Variants in STIM1 observed in about 807,000 individuals in gnomAD.
STIM1 encodes the protein stromal interaction molecule 1.
A neutral mutation model predicts 74.7 loss-of-function variants in STIM1; 25 were observed. The observed-to-expected ratio is 0.33, with a 90% confidence interval of 0.24 to 0.47. The LOEUF (loss-of-function observed/expected upper bound fraction) is 0.47. Among genes scored for constraint, STIM1 ranks in the 20% least tolerant of loss-of-function variants. The probability of loss-of-function intolerance (pLI) is 1.00; values close to 1 mark genes in which losing one functional copy is unlikely to be tolerated. For synonymous variants in STIM1, 328 were observed against 348.8 expected, an observed-to-expected ratio of 0.94 and a Z score of 0.66; for missense variants, 728 against 920.8, an observed-to-expected ratio of 0.79 and a Z score of 2.71.
At chr11:4,048,827 G>A (rs1229737429) in intron 3 of STIM1, among the ~76,000 whole-genome samples, 1 of 151,866 alleles carries the variant, frequency 6.6e-6, no homozygotes, top group African/African-American at 2.4e-5. Flanking sequence ...TCCACCTCCC[G>A]AGTTCAAGCA....
Position 3,883,699 on chromosome 11 carries a change from T to C in STIM1, c.139+27290T>C, listed in dbSNP as rs151037470. On this transcript the variant is annotated intron_variant, in intron 1 of 12. Coordinates refer to ENST00000526596, the MANE Select transcript of STIM1 (RefSeq NM_001382567.1). ...CTGCTTCAAACCACTAAGTTATATT[T>C]TCTAGAGTCAGGGATTATATTTGAT... Among the ~76,000 whole-genome samples, 633 of 152,340 alleles carry C rather than the reference T, an allele frequency of 4.2e-3. 4 individuals carry two copies. The highest frequency in any genetic ancestry group is 0.015 in the African/African-American group (604 of 41,582).
chr11:4,038,631 T>G (rs1008935485), intron 3 of STIM1, among the ~76,000 whole-genome samples: 2 of 152,180 alleles, frequency 1.3e-5, no homozygotes, highest in East Asian at 3.8e-4. Flanking sequence ...TGTTGTCTTT[T>G]TTGGGAGGGG....
At chr11:3,927,131 G>A (rs933785949) in intron 1 of STIM1, among the ~76,000 whole-genome samples, 2 of 152,150 alleles carry the variant, frequency 1.3e-5, no homozygotes, top group Non-Finnish European at 2.9e-5. Context: ...TAACTTTCTG[G>A]CGGTTCAGAT....
intron 1 of STIM1, among the ~76,000 whole-genome samples, chr11:3,881,539 T>G (rs2091501756): frequency 6.6e-6 from 1 of 151,870 alleles, no homozygotes; most frequent in African/African-American, 2.4e-5. Context: ...CCCGGCTAAT[T>G]TTTTTGTATT....
intron 1 of STIM1, among the ~76,000 whole-genome samples, chr11:3,888,616 C>T (rs923575549): frequency 1.3e-5 from 2 of 152,100 alleles, no homozygotes; most frequent in African/African-American, 4.8e-5. Context: ...CTGCTCACTG[C>T]AGCCTCCACC....
chr11:4,082,206 C>G lies in STIM1; in HGVS notation c.992C>G (p.Ala331Gly). ...LEQVREALRK[A>G]EKELESHSSW... ...TAGGTTCGGGAGGCCTTGAGGAAAGCAGAGAAGGAGCTAGAATCTCACAGC... is the reference window on the plus strand; with the variant it reads ...TAGGTTCGGGAGGCCTTGAGGAAAGGAGAGAAGGAGCTAGAATCTCACAGC... Residue 331 changes from alanine (A) to glycine (G), a missense_variant, in exon 8 of 13, where the codon GCA becomes GGA. This residue lies in a region of STIM1 where 131 missense variants were observed against 235.9 expected (regional missense o/e 0.56). Transcript: ENST00000526596. 1.2e-6 allele frequency: 2 copies of G among 1,614,042 alleles called. No individual in the cohort carries two copies. The highest frequency in any genetic ancestry group is 2.2e-5 in the South Asian group (2 of 91,078).
At chr11:3,895,706 C>CCTTCTTTCT (rs2092096431) in intron 1 of STIM1, among the ~76,000 whole-genome samples, 1 of 33,286 alleles carries the variant, frequency 3.0e-5, no homozygotes, top group African/African-American at 2.1e-4. Context: ...TTCTTTCTTT[C>CCTTCTTTCT]TTTCTTTCTT....
At chr11:3,892,803 C>A (rs10767685) in intron 1 of STIM1, 494,115 of 1,612,940 alleles carry the variant, frequency 0.31, 78,487 homozygotes, top group South Asian at 0.42. Flanking sequence ...GTCTTTGGAA[C>A]CTTGTCTGCA....
At chr11:3,930,391 A>G (rs1182700026) in intron 1 of STIM1, among the ~76,000 whole-genome samples, 1 of 152,218 alleles carries the variant, frequency 6.6e-6, no homozygotes, top group Non-Finnish European at 1.5e-5. Flanking sequence ...CCCTGTTTAT[A>G]ACTTTCTATA....
chr11:3,857,061 T>C (rs1565091361), intron 1 of STIM1, among the ~76,000 whole-genome samples: 1 of 151,620 alleles, frequency 6.6e-6, no homozygotes, highest in African/African-American at 2.4e-5. Flanking sequence ...ATTCTGTTTC[T>C]TCTGACTGAT....
intron 3 of STIM1, among the ~76,000 whole-genome samples, chr11:4,038,575 C>T (rs1328105602): frequency 1.3e-5 from 2 of 152,110 alleles, no homozygotes; most frequent in African/African-American, 4.8e-5. Flanking sequence ...AGTCATTGTC[C>T]TTTGTAGGCT....
chr11:4,046,369 T>C (rs1324521831), intron 3 of STIM1, among the ~76,000 whole-genome samples: 1 of 152,154 alleles, frequency 6.6e-6, no homozygotes, highest in Non-Finnish European at 1.5e-5. Context: ...CTTAAGCTTC[T>C]AGTATCTTGT....
At chr11:3,933,852 G>A (rs1183819737) in intron 1 of STIM1, among the ~76,000 whole-genome samples, 1 of 152,178 alleles carries the variant, frequency 6.6e-6, no homozygotes, top group Non-Finnish European at 1.5e-5. Flanking sequence ...CGGAAGATGG[G>A]GATGGCTCAT....
intron 2 of STIM1, among the ~76,000 whole-genome samples, chr11:3,999,880 C>T (rs1051431934): frequency 7.2e-5 from 11 of 152,130 alleles, no homozygotes; most frequent in Admixed American, 1.3e-4. Flanking sequence ...CACTCCCACC[C>T]GAATACTGCA....
At chr11:3,874,920 G>A (rs995627478) in intron 1 of STIM1, among the ~76,000 whole-genome samples, 5 of 151,164 alleles carry the variant, frequency 3.3e-5, no homozygotes, top group Non-Finnish European at 7.4e-5. Context: ...AGAATGTGCT[G>A]TTATTTTCCT....
chr11:3,897,344 T>C (rs1393569069), intron 1 of STIM1, among the ~76,000 whole-genome samples: 4 of 152,156 alleles, frequency 2.6e-5, no homozygotes, highest in Non-Finnish European at 5.9e-5. Flanking sequence ...ACTGGTCTAT[T>C]TCTCTTCTCT....
chr11:3,912,729 A>G (rs1248939460), intron 1 of STIM1, among the ~76,000 whole-genome samples: 1 of 152,220 alleles, frequency 6.6e-6, no homozygotes, highest in Non-Finnish European at 1.5e-5. Context: ...AGATTCTTAG[A>G]TGCCTTTGCC....
intron 2 of STIM1, among the ~76,000 whole-genome samples, chr11:3,993,916 G>T (rs74804326): frequency 6.6e-6 from 1 of 152,216 alleles, no homozygotes; most frequent in African/African-American, 2.4e-5. Flanking sequence ...AAGGGAAAGG[G>T]ATCTGTTTTG....
At chr11:3,947,971 A>T (rs1200422597) in intron 1 of STIM1, among the ~76,000 whole-genome samples, 1 of 152,210 alleles carries the variant, frequency 6.6e-6, no homozygotes, top group Non-Finnish European at 1.5e-5. Flanking sequence ...TTAGACAGTT[A>T]ACAGTATTCT....
Sources: gnomAD v4.1 joint callset for allele counts (sites outside exome capture counted in the v4.1 genomes callset) on GRCh38, gnomAD v4.1.1 for gene constraint, gnomAD v4.1.1 regional missense constraint, MANE v1.5 for transcripts, NCBI Gene and HGNC (gene_info 2026-07-23, HGNC 2026-07-21) for gene names.